Variants in FARP2 observed in about 807,000 individuals in gnomAD.
FARP2 encodes the protein FERM, ARH/RhoGEF and pleckstrin domain protein 2.
A neutral mutation model predicts 130.5 loss-of-function variants in FARP2; 111 were observed. The ratio of observed to expected loss-of-function variants is 0.85; its 90% confidence interval spans 0.73 to 1.00. The LOEUF is 1.00. Ranked by LOEUF, FARP2 falls within the 50% of genes least tolerant of loss-of-function variation. The pLI is 0.00. For synonymous variants in FARP2, 504 were observed against 516.9 expected (o/e 0.98, Z 0.34); for missense variants, 1,385 against 1,346.3 (o/e 1.03, Z -0.45).
At position 241,425,764 on chromosome 2, in the gene FARP2, G is replaced by A. The variant is rs533747729; in HGVS notation, c.772-5915G>A. On this transcript the variant is annotated intron_variant, in intron 8 of 26. Transcript: ENST00000264042. ...CTCTTTTTTTTTTTTTTTTTTTTGA[G>A]ACAGAGTTTCATTCTTGTTGCCCAG... is the stretch of plus-strand genomic sequence containing the variant. Among the ~76,000 whole-genome samples, 376 of 112,320 alleles carry A rather than the reference G, an allele frequency of 3.3e-3. 10 individuals are homozygous for A. The South Asian group carries it at 0.069, about 21-fold the overall frequency. The allele number at this position is 112,320 out of a possible 152,430, so 73.7% of individuals were successfully genotyped here. A position where few individuals can be genotyped will look rare whatever the true frequency, so the allele number is the denominator to read the frequency against.
rs544747013 is a variant in FARP2 at position 241,406,120 on chromosome 2, G to A, written c.331+1279G>A. On this transcript the variant is annotated intron_variant, in intron 4 of 26. Coordinates refer to ENST00000264042, the MANE Select transcript of FARP2 (RefSeq NM_014808.4). ...AGATCGAGACCATCCTGGCTAACATGGTGAAACTCCGCCTCTACTAAAAAT... is the reference window on the plus strand; with the variant it reads ...AGATCGAGACCATCCTGGCTAACATAGTGAAACTCCGCCTCTACTAAAAAT... Among the ~76,000 whole-genome samples the A allele has an allele frequency of 8.4e-3, 1,277 of 152,040 alleles. 6 individuals are homozygous for A. Among genetic ancestry groups the A allele is most frequent in the Non-Finnish European group, 0.011 (776 of 67,966 alleles).
At chr2:241,451,229 C>T (rs1038355154) in intron 13 of FARP2, among the ~76,000 whole-genome samples, 2 of 152,156 alleles carry the variant, frequency 1.3e-5, no homozygotes, top group African/African-American at 4.8e-5. Context: ...CCACTTCGAC[C>T]TTCCAAAGTG....
intron 19 of FARP2, among the ~76,000 whole-genome samples, chr2:241,480,004 A>T (rs1340746307): frequency 6.6e-6 from 1 of 152,182 alleles, no homozygotes; most frequent in Non-Finnish European, 1.5e-5. Flanking sequence ...ATGACATGGG[A>T]GCTGATAGGA....
At chr2:241,367,143 C>T (rs937449055) in intron 1 of FARP2, among the ~76,000 whole-genome samples, 5 of 152,098 alleles carry the variant, frequency 3.3e-5, no homozygotes, top group Non-Finnish European at 7.3e-5. Context: ...CATCCTGAAG[C>T]GCCTGCTGGA....
chr2:241,421,081 G>A (rs2150377728), intron 8 of FARP2, among the ~76,000 whole-genome samples: 1 of 152,246 alleles, frequency 6.6e-6, no homozygotes, highest in South Asian at 2.1e-4. Context: ...TGGAGCCAAA[G>A]GAACCCCCAT....
At chr2:241,438,693 G>A (rs1016753504) in intron 12 of FARP2, among the ~76,000 whole-genome samples, 30 of 149,168 alleles carry the variant, frequency 2.0e-4, no homozygotes, top group Admixed American at 8.8e-4. Context: ...GCAGTGGCGC[G>A]ATCTTGGCTC....
At chr2:241,493,597 GTTTTT>G in intron 26 of FARP2, 153 bp downstream of exon 26, 1 of 559,588 alleles carries the variant, frequency 1.8e-6, no homozygotes, top group Middle Eastern at 4.8e-4. Context: ...GCAATGCTTT[GTTTTT>G]TTTTTTTTTG....
chr2:241,396,838 A>G (rs2150337358), intron 2 of FARP2, among the ~76,000 whole-genome samples: 1 of 152,318 alleles, frequency 6.6e-6, no homozygotes, highest in South Asian at 2.1e-4. Context: ...TACTGGGTAT[A>G]TACCCAAAGG....
intron 23 of FARP2, 76 bp downstream of exon 23, chr2:241,491,255 G>T: frequency 1.8e-6 from 2 of 1,093,888 alleles, no homozygotes; most frequent in East Asian, 4.7e-5. Flanking sequence ...GTTTTCCTTG[G>T]TCCCCATTGG....
chr2:241,426,465 G>A (rs909179646), intron 8 of FARP2, among the ~76,000 whole-genome samples: 1 of 152,198 alleles, frequency 6.6e-6, no homozygotes, highest in African/African-American at 2.4e-5. Flanking sequence ...TGTGGGGAGG[G>A]GTAGGTGTGA....
chr2:241,490,180 C>T, intron 22 of FARP2, 136 bp downstream of exon 22: 1 of 657,074 alleles, frequency 1.5e-6, no homozygotes, highest in Non-Finnish European at 2.7e-6. Context: ...TGACTCTGAG[C>T]TCTGCTTCCA....
chr2:241,400,974 T>C (rs917369924), intron 2 of FARP2, among the ~76,000 whole-genome samples: 3 of 152,200 alleles, frequency 2.0e-5, no homozygotes, highest in Non-Finnish European at 4.4e-5. Context: ...TCCTCCCAGA[T>C]GCCCACAGGC....
intron 13 of FARP2, 174 bp downstream of exon 13, chr2:241,441,730 CACCGGTGTG>C (rs1364313048): frequency 1.0e-6 from 1 of 989,214 alleles, no homozygotes. Context: ...CGGTGGGGAG[CACCGGTGTG>C]ACCGGCAGTG....
intron 16 of FARP2, 130 bp from the exon 17 acceptor site, chr2:241,463,769 G>A: frequency 1.2e-6 from 1 of 824,616 alleles, no homozygotes; most frequent in East Asian, 2.7e-5. Flanking sequence ...CTGCCCTGCG[G>A]CCTCTTCCAC....
At position 241,468,498 on chromosome 2, in the gene FARP2, C is replaced by T. The variant is rs908265129; in HGVS notation, c.2131+121C>T. 4.2e-6 allele frequency: 3 copies of T among 718,926 alleles called. No homozygotes were observed. The African/African-American group carries it at 5.2e-5, about 13-fold the overall frequency. 44.5% of individuals were successfully genotyped at this position (718,926 alleles called of 1,614,324 possible). On this transcript the variant is annotated intron_variant, in intron 18 of 26. Coordinates refer to ENST00000264042, the MANE Select transcript of FARP2 (RefSeq NM_014808.4). ...AGCGCAGGAGTCCACCCCATTAGGG[C>T]CTGGACCACAGTGGTCAGCATTGGC...
At chr2:241,436,434 G>C (rs1233116817) in intron 11 of FARP2, 47 bp from the exon 12 acceptor site, 2 of 1,576,988 alleles carry the variant, frequency 1.3e-6, no homozygotes, top group Admixed American at 1.7e-5. Flanking sequence ...AACAGGCGCT[G>C]AGAAGGGGAG....
intron 2 of FARP2, among the ~76,000 whole-genome samples, chr2:241,380,702 A>G (rs1386060458): frequency 6.9e-6 from 1 of 144,208 alleles, no homozygotes; most frequent in African/African-American, 2.5e-5. Flanking sequence ...ATATTATATT[A>G]TATGGGATTA....
chr2:241,393,298 A>C (rs1291264368), intron 2 of FARP2, among the ~76,000 whole-genome samples: 1 of 152,130 alleles, frequency 6.6e-6, no homozygotes, highest in East Asian at 1.9e-4. Flanking sequence ...GGGATGAAAG[A>C]CGTGAGCCAC....
chr2:241,450,932 A>G (rs1275474560), intron 13 of FARP2, among the ~76,000 whole-genome samples: 2 of 152,216 alleles, frequency 1.3e-5, no homozygotes, highest in East Asian at 1.9e-4. Flanking sequence ...AGCCTGGGCA[A>G]CAGAGCAAGA....
Sources: allele counts gnomAD v4.1 joint callset (sites outside exome capture counted in the v4.1 genomes callset), GRCh38; gene constraint gnomAD v4.1.1; transcripts MANE v1.5; gene names NCBI Gene and HGNC (gene_info 2026-07-23, HGNC 2026-07-21).